RAP1GAP2: variants seen among roughly 807,000 people sequenced by gnomAD.
RAP1GAP2 encodes RAP1 GTPase activating protein 2.
RAP1GAP2 carries 27 observed loss-of-function variants against 95.0 expected under a neutral mutation model. That is an observed-to-expected ratio of 0.28 (90% CI 0.21 to 0.39). The LOEUF (loss-of-function observed/expected upper bound fraction) is 0.39, where lower values mean the gene tolerates loss of function less well. Ranked by LOEUF, RAP1GAP2 falls within the 10% of genes least tolerant of loss-of-function variation. The pLI, the probability that RAP1GAP2 is intolerant of heterozygous loss-of-function variation, is 1.00. For synonymous variants in RAP1GAP2, 373 were observed against 380.9 expected (o/e 0.98, Z 0.24); for missense variants, 771 against 970.0 (o/e 0.79, Z 2.72).
At chr17:2,813,652 C>A (rs1174138527) in intron 2 of RAP1GAP2, among the ~76,000 whole-genome samples, 1 of 152,118 alleles carries the variant, frequency 6.6e-6, no homozygotes, top group East Asian at 1.9e-4. Context: ...ACAACCCACC[C>A]CTCACTGTGA....
chr17:2,758,120 T>G (rs570970663), intron 1 of RAP1GAP2, among the ~76,000 whole-genome samples: 2 of 149,732 alleles, frequency 1.3e-5, no homozygotes, highest in Non-Finnish European at 3.0e-5. Flanking sequence ...CCGCCCGCCT[T>G]GGCCTCTCAA....
In RAP1GAP2 at chr17:3,036,948, A is replaced by G. The variant is rs2047481570; in HGVS notation, c.*3587A>G. ...TTCGAGTAGATCTCATGGGTACAGG[A>G]GGCCAGCAGGGACCAGGCCAGTCAG... On this transcript the variant is annotated 3_prime_UTR_variant, in exon 25 of 25. Transcript: ENST00000254695. 1 of 152,386 alleles carries G rather than the reference A, an allele frequency of 6.6e-6. No homozygotes were observed. Among genetic ancestry groups the G allele is most frequent in the South Asian group, 2.1e-4 (1 of 4,808 alleles). 9.4% of individuals were successfully genotyped at this position (152,386 alleles called of 1,614,324 possible). A position where few individuals can be genotyped will look rare whatever the true frequency, so the allele number is the denominator to read the frequency against.
chr17:2,781,724 C>G (rs2068658023), intron 1 of RAP1GAP2, among the ~76,000 whole-genome samples: 3 of 142,338 alleles, frequency 2.1e-5, no homozygotes, highest in Middle Eastern at 4.3e-3. Context: ...GAGCACGTCT[C>G]TGTGTGTGCA....
At chr17:2,780,112 G>A (rs1392752880) in intron 1 of RAP1GAP2, among the ~76,000 whole-genome samples, 7 of 152,122 alleles carry the variant, frequency 4.6e-5, no homozygotes, top group East Asian at 1.9e-4. Context: ...GTGCAGTGGC[G>A]CGATCTCGGC....
At chr17:2,791,476 T>C (rs2068922619), upstream of RAP1GAP2, among the ~76,000 whole-genome samples, 1 of 152,206 alleles carries the variant, frequency 6.6e-6, no homozygotes, top group Non-Finnish European at 1.5e-5. Flanking sequence ...TTTAGGACCT[T>C]ACTTTTCCTG....
chr17:2,884,403 C>T (rs1157579705), intron 2 of RAP1GAP2, among the ~76,000 whole-genome samples: 3 of 136,498 alleles, frequency 2.2e-5, no homozygotes, highest in East Asian at 2.3e-4. Context: ...GACAGAATCT[C>T]GCTCTGTTGC....
chr17:2,878,321 A>AC (rs965697357), intron 2 of RAP1GAP2, among the ~76,000 whole-genome samples: 5 of 151,018 alleles, frequency 3.3e-5, no homozygotes, highest in African/African-American at 7.3e-5. Context: ...TGCCTGTGAG[A>AC]CCCCCCCGGG....
chr17:2,767,359 TA>T (rs397857982), intron 1 of RAP1GAP2, among the ~76,000 whole-genome samples: 8,862 of 53,276 alleles, frequency 0.17, 353 homozygotes, highest in East Asian at 0.34. Context: ...GAGACTCTGT[TA>T]AAAAAAAAAA....
chr17:2,999,258 A>C (rs1021441617), intron 14 of RAP1GAP2, among the ~76,000 whole-genome samples: 2 of 152,200 alleles, frequency 1.3e-5, no homozygotes, highest in Non-Finnish European at 2.9e-5. Flanking sequence ...CCTCTTGGGC[A>C]ACAGTCTCTT....
At chr17:2,803,525 A>T (rs1247323809) in intron 2 of RAP1GAP2, among the ~76,000 whole-genome samples, 1 of 152,236 alleles carries the variant, frequency 6.6e-6, no homozygotes, top group Non-Finnish European at 1.5e-5. Context: ...TTCACATAGA[A>T]GTTCAAAGAT....
chr17:3,005,300 G>A lies in RAP1GAP2; in HGVS notation c.1201-69G>A. 7.0e-7 allele frequency: 1 copy of A among 1,434,956 alleles called. No individual in the cohort carries two copies. The allele number at this position is 1,434,956 out of a possible 1,614,324, so 88.9% of individuals were successfully genotyped here. On this transcript the variant is annotated intron_variant, in intron 14 of 24. Coordinates refer to ENST00000254695, the MANE Select transcript of RAP1GAP2 (RefSeq NM_015085.5). This position sits in a 1 kb window ranked among gnomAD's most constrained non-coding sequence, Gnocchi z 5.2. Reference sequence around the variant, plus strand: ...GAGAAGGTGAGTAGCTTTGTAAGGAGCGTGGCTCCCGTAGGGGCAGCGCTC... The same window carrying A: ...GAGAAGGTGAGTAGCTTTGTAAGGAACGTGGCTCCCGTAGGGGCAGCGCTC...
At chr17:2,807,721 G>A (rs1310811295) in intron 2 of RAP1GAP2, among the ~76,000 whole-genome samples, 1 of 152,134 alleles carries the variant, frequency 6.6e-6, no homozygotes, top group Non-Finnish European at 1.5e-5. Context: ...AGACAGAAGC[G>A]AGGGTGGGAG....
At chr17:2,874,022 C>T (rs754370728) in intron 2 of RAP1GAP2, among the ~76,000 whole-genome samples, 15 of 151,974 alleles carry the variant, frequency 9.9e-5, no homozygotes, top group Non-Finnish European at 1.5e-4. Flanking sequence ...GTGATCCACC[C>T]GTCTCAGCCT....
chr17:2,807,709 C>T (rs1278912779), intron 2 of RAP1GAP2, among the ~76,000 whole-genome samples: 1 of 152,102 alleles, frequency 6.6e-6, no homozygotes, highest in African/African-American at 2.4e-5. Context: ...GTTACTATTA[C>T]CAGACAGAAG....
In RAP1GAP2 at chr17:2,797,672, C is replaced by T. The variant is rs1211572941; in HGVS notation, c.44+1101C>T. 1.0e-6 allele frequency: 1 copy of T among 984,468 alleles called. No homozygotes were observed. Among genetic ancestry groups the T allele is most frequent in the Non-Finnish European group, 1.2e-6 (1 of 829,216 alleles). The allele number at this position is 984,468 out of a possible 1,614,324, so 61.0% of individuals were successfully genotyped here. A position where few individuals can be genotyped will look rare whatever the true frequency, so the allele number is the denominator to read the frequency against. The stretch of plus-strand genomic sequence containing the variant: ...TCCTCTGGCAGGGGGGGACTGTGGG[C>T]ACTCCATGTTTGGCAGATGGGATGG... On this transcript the variant is annotated intron_variant, in intron 1 of 24. Transcript: ENST00000254695. The surrounding 1 kb of genome is among the most constrained non-coding windows in gnomAD (Gnocchi z 5.6).
chr17:2,995,681 C>A (rs1342285976), intron 13 of RAP1GAP2, among the ~76,000 whole-genome samples: 1 of 150,218 alleles, frequency 6.7e-6, no homozygotes, highest in Non-Finnish European at 1.5e-5. Context: ...GCCGAGGCCA[C>A]ACCTCAGGGG....
At chr17:2,807,980 C>T (rs1213489704) in intron 2 of RAP1GAP2, among the ~76,000 whole-genome samples, 3 of 152,204 alleles carry the variant, frequency 2.0e-5, no homozygotes, top group South Asian at 4.1e-4. Flanking sequence ...TCGGGAAGTT[C>T]GCACTGTTTC....
chr17:2,839,689 G>A (rs557987711), intron 2 of RAP1GAP2, among the ~76,000 whole-genome samples: 2 of 152,254 alleles, frequency 1.3e-5, no homozygotes, highest in South Asian at 4.1e-4. Flanking sequence ...GCTTTGAGGC[G>A]TGCTTGTCAC....
rs763648226 is a variant in RAP1GAP2 at position 2,800,574 on chromosome 17, TA to T, written c.80+27del. ...AAGTAAGTAGCAATTTCCTGTTCTG[TA>T]AAGGTCAGAGATGACGCGGATCAGA... On this transcript the variant is annotated intron_variant, in intron 2 of 24. Coordinates refer to ENST00000254695, the MANE Select transcript of RAP1GAP2 (RefSeq NM_015085.5). The T allele has an allele frequency of 6.0e-5, 97 of 1,609,708 alleles. No homozygotes were observed. In the Admixed American group the frequency reaches 1.6e-3, roughly 26 times the overall value.
Sources: allele counts gnomAD v4.1 joint callset (sites outside exome capture counted in the v4.1 genomes callset), GRCh38; gene constraint gnomAD v4.1.1; non-coding constraint Gnocchi (gnomAD v3.1); transcripts MANE v1.5; gene names NCBI Gene and HGNC (gene_info 2026-07-23, HGNC 2026-07-21).